The following FRMD8 variants were observed in gnomAD, a reference collection of about 807,000 sequenced individuals.
FRMD8 encodes FERM domain-containing protein 8.
Under a neutral mutation model 54.2 loss-of-function variants are expected in FRMD8, and 37 were observed. The ratio of observed to expected loss-of-function variants is 0.68; its 90% confidence interval spans 0.53 to 0.90. The LOEUF (loss-of-function observed/expected upper bound fraction) is 0.90, where lower values mean the gene tolerates loss of function less well. FRMD8 is among the 40% of genes least tolerant of loss of function. FRMD8 has a pLI of 0.00. For missense variants in FRMD8, 585 were observed against 653.7 expected (o/e 0.89, Z 1.15); for synonymous variants, 246 against 286.9 (o/e 0.86, Z 1.44).
chr11:65,368,574 GT>G, the FRMD8 span, among the ~76,000 whole-genome samples: 7 of 150,200 alleles, frequency 4.7e-5, no homozygotes, highest in African/African-American at 1.7e-4. Flanking sequence ...GTTTTGTTTT[GT>G]TTTTTTGAGA....
upstream of FRMD8, among the ~76,000 whole-genome samples, chr11:65,386,232 A>T (rs1395832338): frequency 6.6e-6 from 1 of 152,200 alleles, no homozygotes; most frequent in African/African-American, 2.4e-5. Context: ...AGTCTGGGCC[A>T]GGACTCATTC....
Position 65,394,248 on chromosome 11 carries a change from C to T in FRMD8, c.415-11C>T, listed in dbSNP as rs76449135. 1.0e-5 allele frequency: 16 copies of T among 1,598,966 alleles called. No homozygotes were observed. The highest frequency in any genetic ancestry group is 1.3e-5 in the Non-Finnish European group (15 of 1,173,056). On this transcript the variant is annotated splice_polypyrimidine_tract_variant and intron_variant, in intron 5 of 10. Coordinates refer to ENST00000317568, the MANE Select transcript of FRMD8 (RefSeq NM_031904.5). The stretch of plus-strand genomic sequence containing the variant: ...CAGCTGAGCGGCTGTCCCTGCCACA[C>T]CCCCCTGCAGATCCATGACGAGGAG...
At chr11:65,386,989 C>A in intron 1 of FRMD8, 48 bp from the exon 2 acceptor site, 2 of 1,526,534 alleles carry the variant, frequency 1.3e-6, no homozygotes, top group African/African-American at 1.4e-5. Flanking sequence ...GACCTCCAGC[C>A]CCCCATCCCT....
intron 2 of FRMD8, 130 bp from the exon 3 acceptor site, chr11:65,389,231 A>T: frequency 1.2e-6 from 1 of 812,616 alleles, no homozygotes; most frequent in Non-Finnish European, 2.0e-6. Flanking sequence ...TCAGGAGCGT[A>T]GCCCTGGTCA....
upstream of FRMD8, among the ~76,000 whole-genome samples, chr11:65,384,808 G>A (rs767727163): frequency 1.3e-5 from 2 of 152,144 alleles, no homozygotes; most frequent in Non-Finnish European, 2.9e-5. Flanking sequence ...ACACTCCTGG[G>A]CTCCAGCGAT....
In FRMD8 at chr11:65,404,993, C is replaced by T. The variant is rs1442444010; in HGVS notation, c.1201C>T (p.Pro401Ser). 5 of 1,613,364 alleles carry T rather than the reference C, an allele frequency of 3.1e-6. No homozygotes were observed. Among genetic ancestry groups the T allele is most frequent in the East Asian group, 2.2e-5 (1 of 44,890 alleles). Residue 401 changes from proline to serine, a missense_variant, in exon 10 of 11, where the codon CCC (proline) becomes TCC (serine). Coordinates refer to ENST00000317568, the MANE Select transcript of FRMD8 (RefSeq NM_031904.5). The surrounding 1 kb of genome is among the most constrained non-coding windows in gnomAD (Gnocchi z 4.7). ...PSSSLAPVQRPKLRRQGSVVS... is the reference protein window; with the variant it reads ...PSSSLAPVQRSKLRRQGSVVS... ...CTCCTCACTGGCTCCTGTTCAGCGC[C>T]CCAAGCTGCGGAGGCAGGGCAGTGT...
rs149455122 is a variant in FRMD8 at position 65,412,319 on chromosome 11, G to A, written c.*959G>A. ...CTTTGTTCATCTGAGTTGTGCTGGG[G>A]CAACGCCAGGAAGTGCCCTGGGTAC... On this transcript the variant is annotated 3_prime_UTR_variant, in exon 11 of 11. Transcript: ENST00000317568. 5.8e-3 allele frequency: 567 copies of A among 97,806 alleles called. 1 individual carries two copies. Among genetic ancestry groups the A allele is most frequent in the Non-Finnish European group, 9.8e-3 (461 of 47,226 alleles). The allele number at this position is 97,806 out of a possible 1,614,324, so 6.1% of individuals were successfully genotyped here. A position where few individuals can be genotyped will look rare whatever the true frequency, so the allele number is the denominator to read the frequency against.
the FRMD8 span, chr11:65,380,496 G>C: frequency 7.3e-7 from 1 of 1,370,160 alleles, no homozygotes. Flanking sequence ...CACCGCCTAT[G>C]AGCCGCGGGA....
chr11:65,379,124 C>T, the FRMD8 span: 510 of 500,724 alleles, frequency 1.0e-3, no homozygotes, highest in Non-Finnish European at 1.4e-3. Flanking sequence ...TCAGCTGGAG[C>T]GAGTGGCCCA....
At chr11:65,379,248 A>G in the FRMD8 span, 2 of 1,080,840 alleles carry the variant, frequency 1.9e-6, no homozygotes, top group Non-Finnish European at 2.7e-6. Flanking sequence ...GCCATAGCAC[A>G]GGCCTCTTGT....
At chr11:65,399,413 C>G (rs1375554852) in intron 7 of FRMD8, among the ~76,000 whole-genome samples, 2 of 152,144 alleles carry the variant, frequency 1.3e-5, no homozygotes, top group African/African-American at 2.4e-5. Flanking sequence ...TCCTGGCCAC[C>G]TCCAGCAGCC....
chr11:65,406,419 C>T (rs1856198537), intron 10 of FRMD8, among the ~76,000 whole-genome samples: 1 of 151,294 alleles, frequency 6.6e-6, no homozygotes, highest in African/African-American at 2.4e-5. Flanking sequence ...TGGTCTCGAT[C>T]TCCTGACCTT....
chr11:65,393,431 A>C (rs1855880653), intron 3 of FRMD8, 142 bp from the exon 4 acceptor site: 1 of 624,652 alleles, frequency 1.6e-6, no homozygotes, highest in Non-Finnish European at 2.9e-6. Flanking sequence ...GGGTTATTGC[A>C]GAGTAAATGG....
intron 6 of FRMD8, among the ~76,000 whole-genome samples, chr11:65,395,639 TGGGTA>T (rs1199254196): frequency 6.6e-6 from 1 of 152,144 alleles, no homozygotes; most frequent in Non-Finnish European, 1.5e-5. Context: ...GAACCAACTG[TGGGTA>T]TGCCAGGGCC....
intron 3 of FRMD8, among the ~76,000 whole-genome samples, chr11:65,390,899 C>A (rs968828304): frequency 6.6e-6 from 1 of 152,266 alleles, no homozygotes; most frequent in Non-Finnish European, 1.5e-5. Context: ...GTTGCCCGGC[C>A]CACACAGGAG....
At position 65,404,890 on chromosome 11, in the gene FRMD8, G is replaced by A; in HGVS notation, c.1098G>A (p.Glu366=). 6.2e-7 allele frequency: 1 copy of A among 1,613,168 alleles called. No individual in the cohort carries two copies. ...CCGAACTGATGAGCAGTCTCATTGA[G>A]TACTGCATCGAACTGAGCCAGGCGG... The part of the protein sequence containing the change: ...KQAELMSSLI[E]YCIELSQAAE... Residue 366 remains glutamate, a synonymous_variant, in exon 10 of 11, where the codon GAG becomes GAA. Transcript: ENST00000317568. This position sits in a 1 kb window ranked among gnomAD's most constrained non-coding sequence, Gnocchi z 4.7.
chr11:65,406,109 C>A (rs1856190444), intron 10 of FRMD8, among the ~76,000 whole-genome samples: 1 of 151,058 alleles, frequency 6.6e-6, no homozygotes, highest in Admixed American at 6.6e-5. Context: ...CTCACTGCAA[C>A]CTCCGCCTCC....
the FRMD8 span, among the ~76,000 whole-genome samples, chr11:65,372,494 G>A: frequency 1.3e-5 from 2 of 152,118 alleles, no homozygotes; most frequent in South Asian, 2.1e-4. Flanking sequence ...TTTAGAGGAC[G>A]GGCACTCCAG....
At position 65,395,368 on chromosome 11, in the gene FRMD8, C is replaced by T. The variant is rs565708908; in HGVS notation, c.581+943C>T. ...GACCAGCCTCAACGTGGAGAAACCC[C>T]GTCTCTACTAAAAATACAAAATTAT... On this transcript the variant is annotated intron_variant, in intron 6 of 10. Coordinates refer to ENST00000317568, the MANE Select transcript of FRMD8 (RefSeq NM_031904.5). Among the ~76,000 whole-genome samples the T allele has an allele frequency of 1.2e-4, 18 of 152,080 alleles. 1 individual carries two copies. The South Asian group carries it at 2.7e-3, about 23-fold the overall frequency.
Sources: gnomAD v4.1 joint callset for allele counts (sites outside exome capture counted in the v4.1 genomes callset) on GRCh38, gnomAD v4.1.1 for gene constraint, Gnocchi (gnomAD v3.1) non-coding constraint, MANE v1.5 for transcripts, NCBI Gene and HGNC (gene_info 2026-07-23, HGNC 2026-07-21) for gene names.